LHFPL4: variants seen among roughly 807,000 people sequenced by gnomAD.
LHFPL4 encodes the protein LHFPL tetraspan subfamily member 4 protein.
Under a neutral mutation model 20.0 loss-of-function variants are expected in LHFPL4, and 6 were observed. The observed-to-expected ratio is 0.30, with a 90% confidence interval of 0.16 to 0.59. The LOEUF is 0.59. LHFPL4 is among the 20% of genes least tolerant of loss of function. The pLI, the probability that LHFPL4 is intolerant of heterozygous loss-of-function variation, is 0.88. For missense variants in LHFPL4, 215 were observed against 331.2 expected, an observed-to-expected ratio of 0.65 and a Z score of 2.72; for synonymous variants, 129 against 143.8, an observed-to-expected ratio of 0.90 and a Z score of 0.74.
chr3:9,528,823 C>G (rs1355224556), intron 2 of LHFPL4, among the ~76,000 whole-genome samples: 1 of 151,812 alleles, frequency 6.6e-6, no homozygotes, highest in Non-Finnish European at 1.5e-5. Flanking sequence ...CCGTGTTAGC[C>G]AGGCTCGTCT....
chr3:9,504,812 G>A (rs867447705), intron 3 of LHFPL4, among the ~76,000 whole-genome samples: 19 of 122,976 alleles, frequency 1.5e-4, no homozygotes, highest in Middle Eastern at 4.1e-3. Context: ...GTGACTGAGT[G>A]AGACTCCATC....
intron 2 of LHFPL4, among the ~76,000 whole-genome samples, chr3:9,520,288 A>G (rs1265718360): frequency 1.3e-5 from 2 of 152,094 alleles, no homozygotes; most frequent in East Asian, 1.9e-4. Flanking sequence ...TGACTCCATC[A>G]CTAATTTAAA....
chr3:9,522,141 G>C (rs539975681), intron 2 of LHFPL4, among the ~76,000 whole-genome samples: 1 of 151,922 alleles, frequency 6.6e-6, no homozygotes, highest in East Asian at 2.0e-4. Context: ...TTCACAGGCA[G>C]TACAAGTACC....
chr3:9,503,409 T>C (rs1057119864), intron 3 of LHFPL4, among the ~76,000 whole-genome samples: 11 of 152,170 alleles, frequency 7.2e-5, no homozygotes, highest in African/African-American at 2.7e-4. Context: ...AGGCCTTGAC[T>C]TCACACCAAA....
intron 2 of LHFPL4, among the ~76,000 whole-genome samples, chr3:9,551,466 T>C (rs1454447156): frequency 6.6e-6 from 1 of 152,136 alleles, no homozygotes; most frequent in African/African-American, 2.4e-5. Flanking sequence ...AGTGGGGGAC[T>C]CTAATGGATC....
At chr3:9,520,482 T>C (rs1331093466) in intron 2 of LHFPL4, among the ~76,000 whole-genome samples, 1 of 152,004 alleles carries the variant, frequency 6.6e-6, no homozygotes, top group Non-Finnish European at 1.5e-5. Flanking sequence ...GCCTCCCAAG[T>C]AGCTGGGATT....
chr3:9,514,056 C>T (rs74640433), intron 2 of LHFPL4, among the ~76,000 whole-genome samples: 6,230 of 152,218 alleles, frequency 0.041, 178 homozygotes, highest in Non-Finnish European at 0.063. Context: ...ATATAACTTA[C>T]GGTGGTATCT....
chr3:9,512,496 G>A (rs115707768), intron 2 of LHFPL4, among the ~76,000 whole-genome samples: 178 of 152,304 alleles, frequency 1.2e-3, no homozygotes, highest in Middle Eastern at 3.4e-3. Context: ...AAGGAGGTAA[G>A]TTTATTTTTT....
chr3:9,518,817 T>TAC (rs2046319762), intron 2 of LHFPL4, among the ~76,000 whole-genome samples: 1 of 151,174 alleles, frequency 6.6e-6, no homozygotes, highest in East Asian at 1.9e-4. Flanking sequence ...TAGGCTGGAG[T>TAC]ACAATGGCTC....
intron 2 of LHFPL4, among the ~76,000 whole-genome samples, chr3:9,518,529 T>C (rs1390401883): frequency 5.3e-5 from 8 of 152,182 alleles, no homozygotes; most frequent in Non-Finnish European, 1.2e-4. Context: ...AGTGAACCCA[T>C]CAGGGCCTGG....
In LHFPL4 at chr3:9,499,691, T is replaced by A. The variant is rs1377908734; in HGVS notation, c.*2520A>T. The A allele has an allele frequency of 6.6e-6, 1 of 152,564 alleles. No individual in the cohort carries two copies. Among genetic ancestry groups the A allele is most frequent in the Non-Finnish European group, 1.5e-5 (1 of 68,356 alleles). The allele number at this position is 152,564 out of a possible 1,614,324, so 9.5% of individuals were successfully genotyped here. On this transcript the variant is annotated 3_prime_UTR_variant, in exon 4 of 4. Coordinates refer to ENST00000287585, the MANE Select transcript of LHFPL4 (RefSeq NM_198560.3). ...CTGCCTGTGCCCCGGGCCTCCAGCCTCTGAAAGGTCAGTTCTATCCCCCGC... is the reference window on the plus strand; with the variant it reads ...CTGCCTGTGCCCCGGGCCTCCAGCCACTGAAAGGTCAGTTCTATCCCCCGC...
At chr3:9,503,121 C>T (rs1433544478) in intron 3 of LHFPL4, among the ~76,000 whole-genome samples, 1 of 152,130 alleles carries the variant, frequency 6.6e-6, no homozygotes, top group Non-Finnish European at 1.5e-5. Context: ...AGGTGCGCGC[C>T]ATGGCTTTTG....
At chr3:9,505,184 G>A (rs1316772755) in intron 3 of LHFPL4, among the ~76,000 whole-genome samples, 1 of 152,298 alleles carries the variant, frequency 6.6e-6, no homozygotes, top group East Asian at 1.9e-4. Flanking sequence ...CTGGGTCACA[G>A]GCAAATGATC....
At chr3:9,526,742 A>T (rs1336924067) in intron 2 of LHFPL4, among the ~76,000 whole-genome samples, 1 of 151,448 alleles carries the variant, frequency 6.6e-6, no homozygotes, top group Non-Finnish European at 1.5e-5. Flanking sequence ...GAGAAGAGAA[A>T]CACACACACA....
intron 2 of LHFPL4, among the ~76,000 whole-genome samples, chr3:9,517,609 T>C (rs970332832): frequency 6.7e-6 from 1 of 150,354 alleles, no homozygotes; most frequent in African/African-American, 2.5e-5. Flanking sequence ...GGTGGGAAGA[T>C]TGGTTGAGCC....
intron 2 of LHFPL4, among the ~76,000 whole-genome samples, chr3:9,518,520 G>A (rs1299342260): frequency 6.6e-6 from 1 of 152,184 alleles, no homozygotes; most frequent in Non-Finnish European, 1.5e-5. Flanking sequence ...GAATTCACCA[G>A]TGAACCCATC....
At chr3:9,532,414 C>T (rs182689062) in intron 2 of LHFPL4, among the ~76,000 whole-genome samples, 61 of 152,182 alleles carry the variant, frequency 4.0e-4, no homozygotes, top group African/African-American at 1.4e-3. Context: ...GATCATAGCT[C>T]ACTGCAGCCT....
intron 2 of LHFPL4, among the ~76,000 whole-genome samples, chr3:9,547,340 A>G (rs768681340): frequency 6.6e-6 from 1 of 151,992 alleles, no homozygotes; most frequent in Non-Finnish European, 1.5e-5. Context: ...GGCACCCCCG[A>G]CCCTTAACCA....
At chr3:9,534,198 C>G (rs574828228) in intron 2 of LHFPL4, among the ~76,000 whole-genome samples, 1 of 151,020 alleles carries the variant, frequency 6.6e-6, no homozygotes, top group African/African-American at 2.4e-5. Flanking sequence ...GCCTGGGTGA[C>G]AGAGCAAGAC....
Sources: gnomAD v4.1 joint callset for allele counts (sites outside exome capture counted in the v4.1 genomes callset) on GRCh38, gnomAD v4.1.1 for gene constraint, MANE v1.5 for transcripts, NCBI Gene and HGNC (gene_info 2026-07-23, HGNC 2026-07-21) for gene names.